Variants in LRRK1 observed in about 807,000 individuals in gnomAD.
The protein encoded by LRRK1 is leucine rich repeat kinase 1, also known as leucine-rich repeat serine/threonine-protein kinase 1.
In LRRK1, 113 loss-of-function variants were observed where a neutral mutation model predicts 209.1. The observed-to-expected ratio is 0.54, with a 90% CI of 0.46 to 0.63. The LOEUF (loss-of-function observed/expected upper bound fraction) is 0.63, where lower values mean the gene tolerates loss of function less well. LRRK1 is among the 30% of genes least tolerant of loss of function. LRRK1 has a pLI of 0.00. For synonymous variants in LRRK1, 1,144 were observed against 1,099.7 expected (o/e 1.04, Z -0.80); for missense variants, 2,284 against 2,632.2 (o/e 0.87, Z 2.89).
intron 2 of LRRK1, among the ~76,000 whole-genome samples, chr15:100,966,980 G>A (rs556895344): frequency 6.6e-6 from 1 of 152,344 alleles, no homozygotes; most frequent in Non-Finnish European, 1.5e-5. Context: ...AACATGGACA[G>A]AAGAGGCTAC....
chr15:100,992,322 T>C (rs1429889999), intron 6 of LRRK1, among the ~76,000 whole-genome samples: 2 of 152,218 alleles, frequency 1.3e-5, no homozygotes, highest in African/African-American at 4.8e-5. Context: ...CATTGTCTGC[T>C]TTCCCTTATA....
chr15:101,060,682 C>T (rs1596346799), intron 29 of LRRK1, among the ~76,000 whole-genome samples: 1 of 152,248 alleles, frequency 6.6e-6, no homozygotes, highest in Admixed American at 6.5e-5. Flanking sequence ...GGGGAGACAG[C>T]GATGCCGGGG....
intron 2 of LRRK1, among the ~76,000 whole-genome samples, chr15:100,926,680 C>CTTTCTTTTTTTTTTTTTTTTTTT: frequency 1.2e-5 from 1 of 81,846 alleles, no homozygotes; most frequent in Non-Finnish European, 2.2e-5. Flanking sequence ...TTCTTTTTTT[C>CTTTCTTTTTTTTTTTTTTTTTTT]TTTTTTTTTT....
At chr15:100,955,867 A>C (rs1054721390) in intron 2 of LRRK1, among the ~76,000 whole-genome samples, 1 of 152,066 alleles carries the variant, frequency 6.6e-6, no homozygotes, top group African/African-American at 2.4e-5. Context: ...GATTTTTTTA[A>C]TGTGCTGTTG....
chr15:101,010,912 G>A (rs781354957), intron 9 of LRRK1, 75 bp downstream of exon 9: 4 of 1,373,202 alleles, frequency 2.9e-6, no homozygotes, highest in Non-Finnish European at 3.0e-6. Flanking sequence ...GCCCTCAGGT[G>A]CATTATGTCA....
chr15:101,015,881 G>C (rs562902658), intron 12 of LRRK1, among the ~76,000 whole-genome samples: 19 of 152,158 alleles, frequency 1.2e-4, no homozygotes, highest in Non-Finnish European at 2.4e-4. Flanking sequence ...TATCTGAGAG[G>C]AGGGTGCCAG....
Position 101,021,918 on chromosome 15 carries a change from C to T in LRRK1, c.1813C>T (p.Leu605=). 6.2e-7 allele frequency: 1 copy of T among 1,614,026 alleles called. No homozygotes were observed. The highest frequency in any genetic ancestry group is 2.2e-5 in the East Asian group (1 of 44,866). ...CCTCTGGCAGCTGGACACTGAAGACCTGACCATCAGCAATGTGCCTGCAGA... is the reference window on the plus strand; with the variant it reads ...CCTCTGGCAGCTGGACACTGAAGACTTGACCATCAGCAATGTGCCTGCAGA... ...GNLWQLDTED[L]TISNVPAEIQ... Residue 605 remains leucine, a synonymous_variant, in exon 14 of 34, where the codon CTG becomes TTG. Coordinates refer to ENST00000388948, the MANE Select transcript of LRRK1 (RefSeq NM_024652.6).
rs1446257299 is a variant in LRRK1, at chr15:101,010,595, C to T, written c.1117+18C>T. On this transcript the variant is annotated intron_variant, in intron 8 of 33. Coordinates refer to ENST00000388948, the MANE Select transcript of LRRK1 (RefSeq NM_024652.6). ...AGAAAATGGTATGTTTTCTCATCAA[C>T]TTGAGTGAATTAGTCATTTTCTTCT... 5.0e-6 allele frequency: 8 copies of T among 1,606,834 alleles called. No individual in the cohort carries two copies. Among genetic ancestry groups the T allele is most frequent in the African/African-American group, 1.3e-5 (1 of 74,232 alleles).
intron 1 of LRRK1, among the ~76,000 whole-genome samples, chr15:100,922,461 A>G (rs556702389): frequency 1.1e-3 from 165 of 152,220 alleles, no homozygotes; most frequent in Admixed American, 3.6e-3. Context: ...TTTAGAACTT[A>G]AAAACATTGT....
At position 101,051,707 on chromosome 15, in the gene LRRK1, T is replaced by G. The variant is rs748814624; in HGVS notation, c.3440-4T>G. 6.2e-7 allele frequency: 1 copy of G among 1,613,288 alleles called. No homozygotes were observed. Among genetic ancestry groups the G allele is most frequent in the East Asian group, 2.2e-5 (1 of 44,882 alleles). ...AAGCTGTCTCCTGCTCTGTCCTTAT[T>G]TAGCCCTGACAGCCACAGAGAGCGA... On this transcript the variant is annotated splice_region_variant and splice_polypyrimidine_tract_variant and intron_variant, in intron 23 of 33. Coordinates refer to ENST00000388948, the MANE Select transcript of LRRK1 (RefSeq NM_024652.6).
At chr15:101,046,873 T>C (rs2035108524) in intron 21 of LRRK1, among the ~76,000 whole-genome samples, 4 of 152,216 alleles carry the variant, frequency 2.6e-5, no homozygotes, top group Admixed American at 2.6e-4. Flanking sequence ...ACAACATTAA[T>C]TTCATGCAGG....
chr15:100,971,204 T>A (rs1008905845), intron 2 of LRRK1, among the ~76,000 whole-genome samples: 6 of 151,668 alleles, frequency 4.0e-5, no homozygotes, highest in African/African-American at 1.5e-4. Flanking sequence ...CTTGGTGGCG[T>A]GCACCTGTAA....
chr15:101,067,005 T>C (rs942180177), intron 33 of LRRK1, among the ~76,000 whole-genome samples: 8 of 152,188 alleles, frequency 5.3e-5, no homozygotes, highest in African/African-American at 1.9e-4. Context: ...ACCTAACGAA[T>C]GTCTCCAGGG....
In LRRK1 at chr15:100,941,446, C is replaced by CTCTGTGTGTGTCTGTG. The variant is rs2042428463; in HGVS notation, c.97+16718_97+16719insCTGTGTGTGTCTGTGT. ...TGTGTGTCTGTGTGTGTGTGTGTGT[C>CTCTGTGTGTGTCTGTG]TGTGTGTGTCTATGTCTCTGTGTGT... is the stretch of plus-strand genomic sequence containing the variant. On this transcript the variant is annotated intron_variant, in intron 2 of 33. Transcript: ENST00000388948. 5.9e-4 allele frequency among the ~76,000 whole-genome samples: 43 copies of CTCTGTGTGTGTCTGTG among 72,574 alleles called. 6 individuals are homozygous for CTCTGTGTGTGTCTGTG. The highest frequency in any genetic ancestry group is 2.3e-3 in the African/African-American group (30 of 12,818). The allele number at this position is 72,574 out of a possible 152,430, so 47.6% of individuals were successfully genotyped here.
chr15:101,020,513 T>A lies in LRRK1; in HGVS notation c.1610-540T>A, dbSNP rs1209759808. Reference sequence around the variant, plus strand: ...CCTCAGCCCCCCCGAGTAGCTGGGATTACAGGTGCCCACCATCACGCCTGG... The same window carrying A: ...CCTCAGCCCCCCCGAGTAGCTGGGAATACAGGTGCCCACCATCACGCCTGG... On this transcript the variant is annotated intron_variant, in intron 12 of 33. Transcript: ENST00000388948. Among the ~76,000 whole-genome samples the A allele has an allele frequency of 2.0e-5, 3 of 151,846 alleles. No individual in the cohort carries two copies. In the East Asian group the frequency reaches 5.8e-4, roughly 29 times the overall value.
At chr15:100,946,993 C>T (rs1005797730) in intron 2 of LRRK1, among the ~76,000 whole-genome samples, 7 of 151,718 alleles carry the variant, frequency 4.6e-5, no homozygotes, top group African/African-American at 1.7e-4. Flanking sequence ...TTTTTTGAGA[C>T]GGAGTCCTGC....
intron 26 of LRRK1, among the ~76,000 whole-genome samples, chr15:101,054,474 G>A (rs1417978946): frequency 6.6e-6 from 1 of 152,226 alleles, no homozygotes; most frequent in African/African-American, 2.4e-5. Context: ...TGTCCTTTAT[G>A]GCAGTCTGGT....
chr15:100,956,838 T>C (rs192827356), intron 2 of LRRK1, among the ~76,000 whole-genome samples: 14 of 152,340 alleles, frequency 9.2e-5, no homozygotes, highest in Admixed American at 2.6e-4. Flanking sequence ...CTTCTAACTT[T>C]GGGCTCAGTT....
chr15:100,983,545 C>T lies in LRRK1; in HGVS notation c.279C>T (p.Ile93=), dbSNP rs1449968215. The T allele has an allele frequency of 9.4e-6, 15 of 1,602,696 alleles. No individual in the cohort carries two copies. Among genetic ancestry groups the T allele is most frequent in the African/African-American group, 1.3e-5 (1 of 74,392 alleles). ...TTGACCAGGGCCAGCTTCTGAGCAT[C>T]CCGGCAGCCTATGGGGATCTGGAGA... is the stretch of plus-strand genomic sequence containing the variant. ...SQLEKGQLLS[I]PAAYGDLEMV... Residue 93 remains isoleucine, a synonymous_variant, in exon 4 of 34, where the codon ATC becomes ATT. Coordinates refer to ENST00000388948, the MANE Select transcript of LRRK1 (RefSeq NM_024652.6).
Sources: gnomAD v4.1 joint callset for allele counts (sites outside exome capture counted in the v4.1 genomes callset) on GRCh38, gnomAD v4.1.1 for gene constraint, MANE v1.5 for transcripts, NCBI Gene and HGNC (gene_info 2026-07-23, HGNC 2026-07-21) for gene names.